The following BMPR2 variants were observed in gnomAD, a reference collection of about 807,000 sequenced individuals.
BMPR2 encodes bone morphogenetic protein receptor type 2.
In BMPR2, 29 loss-of-function variants were observed where a neutral mutation model predicts 100.8. The observed-to-expected ratio is 0.29, with a 90% CI of 0.21 to 0.39. BMPR2 has a LOEUF of 0.39. Ranked by LOEUF, BMPR2 falls within the 10% of genes least tolerant of loss-of-function variation. The pLI is 1.00. For synonymous variants in BMPR2, 382 were observed against 442.3 expected, an observed-to-expected ratio of 0.86 and a Z score of 1.71; for missense variants, 1,011 against 1,274.5, an observed-to-expected ratio of 0.79 and a Z score of 3.15.
chr2:202,464,266 C>G (rs1300875742), intron 1 of BMPR2, among the ~76,000 whole-genome samples: 1 of 149,268 alleles, frequency 6.7e-6, no homozygotes, highest in East Asian at 2.0e-4. Flanking sequence ...TGCAAATGTA[C>G]ACACTTGTGC....
chr2:202,415,808 G>A (rs1166135484), intron 1 of BMPR2, among the ~76,000 whole-genome samples: 1 of 152,164 alleles, frequency 6.6e-6, no homozygotes, highest in Non-Finnish European at 1.5e-5. Flanking sequence ...CAATGCACCC[G>A]ATCACCCAAG....
chr2:202,537,908 A>G (rs1688193338), intron 9 of BMPR2, among the ~76,000 whole-genome samples: 2 of 152,024 alleles, frequency 1.3e-5, no homozygotes, highest in Admixed American at 6.6e-5. Context: ...GTGGATCTCC[A>G]GGTCAGGAGT....
chr2:202,410,518 A>G (rs1414094452), intron 1 of BMPR2, among the ~76,000 whole-genome samples: 2 of 152,374 alleles, frequency 1.3e-5, no homozygotes, highest in South Asian at 2.1e-4. Context: ...AATCCATAGA[A>G]TATAATAAAT....
chr2:202,457,018 T>A (rs1044339576), intron 1 of BMPR2, among the ~76,000 whole-genome samples: 1 of 152,122 alleles, frequency 6.6e-6, no homozygotes, highest in East Asian at 1.9e-4. Flanking sequence ...ACTCCTTTCT[T>A]TTTTTTAAAG....
intron 10 of BMPR2, among the ~76,000 whole-genome samples, chr2:202,552,333 A>G (rs1337922721): frequency 3.3e-5 from 5 of 152,208 alleles, no homozygotes; most frequent in Non-Finnish European, 7.4e-5. Context: ...TCACCTAGAG[A>G]TAGAAGACAG....
rs978179419 is a variant in BMPR2 at position 202,566,147 on chromosome 2, A to C, written c.*6201A>C. 1 of 152,378 alleles carries C rather than the reference A, an allele frequency of 6.6e-6. No homozygotes were observed. Among genetic ancestry groups the C allele is most frequent in the Non-Finnish European group, 1.5e-5 (1 of 67,982 alleles). 9.4% of individuals were successfully genotyped at this position (152,378 alleles called of 1,614,324 possible). ...AGCAAATTACTGTATTTGAAACTACAACTTGATTTGGTTTTCAGTTTTAAA... is the reference window on the plus strand; with the variant it reads ...AGCAAATTACTGTATTTGAAACTACCACTTGATTTGGTTTTCAGTTTTAAA... On this transcript the variant is annotated 3_prime_UTR_variant, in exon 13 of 13. Transcript: ENST00000374580.
At chr2:202,384,569 T>TTTTTCTTTCTTTTTCTTTC in intron 1 of BMPR2, among the ~76,000 whole-genome samples, 1 of 93,594 alleles carries the variant, frequency 1.1e-5, no homozygotes. Context: ...TCTTTCTTTC[T>TTTTTCTTTCTTTTTCTTTC]TTTTCTTTCT....
chr2:202,380,952 G>T (rs1319349230), intron 1 of BMPR2, among the ~76,000 whole-genome samples: 1 of 120,766 alleles, frequency 8.3e-6, no homozygotes, highest in Non-Finnish European at 1.7e-5. Context: ...CCTGGCCCTG[G>T]ATTTCTTTCT....
At chr2:202,502,555 A>C (rs764218021) in intron 3 of BMPR2, among the ~76,000 whole-genome samples, 9 of 152,234 alleles carry the variant, frequency 5.9e-5, no homozygotes, top group Non-Finnish European at 1.2e-4. Context: ...TACCCAGCCA[A>C]GGCATATTCT....
In BMPR2 at chr2:202,555,826, C is replaced by G; in HGVS notation, c.2161C>G (p.Gln721Glu). The G allele has an allele frequency of 6.2e-7, 1 of 1,614,104 alleles. No homozygotes were observed. Among genetic ancestry groups the G allele is most frequent in the East Asian group, 2.2e-5 (1 of 44,880 alleles). The change falls in exon 12 of 13, where the codon CAG becomes GAG. Residue 721 changes from glutamine (Q) to glutamate (E), a missense_variant. By Grantham distance (29) the Gln-to-Glu change is conservative. Around this residue, in one of 6 missense-constraint regions of BMPR2, gnomAD observed 508 missense variants for 552.0 expected, o/e 0.92. Transcript: ENST00000374580. ...IKLAVEATGQQDFTQTANGQA... is the reference protein window; with the variant it reads ...IKLAVEATGQEDFTQTANGQA... ...ACTTGCAGTAGAAGCAACTGGACAG[C>G]AGGACTTCACACAGACTGCAAATGG... is the stretch of plus-strand genomic sequence containing the variant.
intron 3 of BMPR2, among the ~76,000 whole-genome samples, chr2:202,476,106 A>T (rs933180970): frequency 3.5e-5 from 5 of 142,024 alleles, no homozygotes; most frequent in Admixed American, 2.1e-4. Flanking sequence ...AAAAAAAAAA[A>T]ATCTAAGTCC....
intron 1 of BMPR2, among the ~76,000 whole-genome samples, chr2:202,385,547 G>C (rs1690410034): frequency 6.7e-6 from 1 of 150,100 alleles, no homozygotes; most frequent in Non-Finnish European, 1.5e-5. Flanking sequence ...TGTATTTTTA[G>C]TAGACACGGA....
intron 9 of BMPR2, among the ~76,000 whole-genome samples, chr2:202,533,620 C>T (rs1000165970): frequency 3.3e-5 from 5 of 152,106 alleles, no homozygotes; most frequent in East Asian, 1.9e-4. Flanking sequence ...GTCAGAAGTT[C>T]GAGACCAGCC....
intron 1 of BMPR2, among the ~76,000 whole-genome samples, chr2:202,445,178 A>G (rs1691826580): frequency 2.0e-5 from 3 of 150,466 alleles, no homozygotes; most frequent in South Asian, 4.2e-4. Context: ...GCTTTTTTGT[A>G]TAGGAGTCCC....
At chr2:202,454,272 C>G (rs551633771) in intron 1 of BMPR2, among the ~76,000 whole-genome samples, 1 of 151,974 alleles carries the variant, frequency 6.6e-6, no homozygotes, top group Non-Finnish European at 1.5e-5. Context: ...GGTTTTGCCA[C>G]GTTGCCCAGG....
intron 3 of BMPR2, among the ~76,000 whole-genome samples, chr2:202,486,749 G>A (rs1264854835): frequency 1.3e-5 from 2 of 152,142 alleles, no homozygotes; most frequent in Non-Finnish European, 2.9e-5. Flanking sequence ...TTTAAGACTG[G>A]GCATGGTGGT....
chr2:202,443,422 C>T lies in BMPR2; in HGVS notation c.77-21387C>T, dbSNP rs6725263. ...ATAGCGGCTGCACCATTTTTCATTC[C>T]CACCAACAGTGTACAAGGGTCAAGG... On this transcript the variant is annotated intron_variant, in intron 1 of 12. Transcript: ENST00000374580. Among the ~76,000 whole-genome samples the T allele has an allele frequency of 7.5e-3, 1,130 of 150,638 alleles. 105 individuals are homozygous for T. Among genetic ancestry groups the T allele is most frequent in the African/African-American group, 0.027 (1,080 of 40,034 alleles).
intron 12 of BMPR2, 78 bp from the exon 13 acceptor site, chr2:202,559,618 C>T (rs373564568): frequency 1.3e-6 from 2 of 1,501,830 alleles, no homozygotes; most frequent in South Asian, 1.2e-5. Flanking sequence ...TTGGTTTGAC[C>T]TTTTCTTGAG....
At chr2:202,453,202 TGTC>T (rs1336293577) in intron 1 of BMPR2, among the ~76,000 whole-genome samples, 1 of 81,322 alleles carries the variant, frequency 1.2e-5, no homozygotes, top group East Asian at 3.5e-4. Flanking sequence ...TAATATATAC[TGTC>T]TTTTTTTTTT....
Sources: gnomAD v4.1 joint callset for allele counts (sites outside exome capture counted in the v4.1 genomes callset) on GRCh38, gnomAD v4.1.1 for gene constraint, gnomAD v4.1.1 regional missense constraint, MANE v1.5 for transcripts, NCBI Gene and HGNC (gene_info 2026-07-23, HGNC 2026-07-21) for gene names.